SLC67A2: variants seen among roughly 807,000 people sequenced by gnomAD.
SLC67A2 encodes the protein solute carrier family 67 member A2.
chr2:102,718,062 A>G, the SLC67A2 span: 1 of 188,988 alleles, frequency 5.3e-6, no homozygotes, highest in African/African-American at 2.4e-5. Flanking sequence ...TCCTCCAGGT[A>G]TCATGTTCTC....
At chr2:102,732,133 C>T in the SLC67A2 span, 32 of 695,312 alleles carry the variant, frequency 4.6e-5, no homozygotes, top group South Asian at 1.2e-4. Flanking sequence ...TTTGAACATA[C>T]GTCGTCTAGA....
At chr2:102,721,657 CTGTGTGTG>C in the SLC67A2 span, among the ~76,000 whole-genome samples, 2 of 148,906 alleles carry the variant, frequency 1.3e-5, no homozygotes, top group African/African-American at 2.5e-5. Flanking sequence ...GCTCATAGTC[CTGTGTGTG>C]TGTGTGTGTG....
the SLC67A2 span, chr2:102,719,191 A>G: frequency 6.2e-7 from 1 of 1,612,998 alleles, no homozygotes; most frequent in Admixed American, 1.7e-5. Flanking sequence ...CCCTCCATGG[A>G]AAGAACCAAA....
the SLC67A2 span, among the ~76,000 whole-genome samples, chr2:102,720,438 C>T: frequency 1.3e-5 from 2 of 152,212 alleles, no homozygotes; most frequent in African/African-American, 2.4e-5. Context: ...CAACTAACTT[C>T]TGTTGAGTGC....
chr2:102,723,918 G>C, the SLC67A2 span: 7 of 1,610,058 alleles, frequency 4.3e-6, no homozygotes, highest in Non-Finnish European at 5.9e-6. Flanking sequence ...ACCTGCAAGG[G>C]GATGAGAAAC....
the SLC67A2 span, chr2:102,732,225 G>T: frequency 2.9e-6 from 3 of 1,045,384 alleles, no homozygotes; most frequent in Non-Finnish European, 4.5e-6. Flanking sequence ...ACTTACCTTT[G>T]GATAATATTT....
chr2:102,719,015 A>G, the SLC67A2 span: 7 of 1,614,224 alleles, frequency 4.3e-6, no homozygotes, highest in Admixed American at 1.0e-4. Flanking sequence ...CAGGTTCTTC[A>G]TGTTCCGCAA....
chr2:102,718,685 GAGA>G, the SLC67A2 span: 4 of 1,613,914 alleles, frequency 2.5e-6, no homozygotes, highest in East Asian at 4.5e-5. Flanking sequence ...AATGGCAGTG[GAGA>G]AGGACAGGAG....
the SLC67A2 span, chr2:102,726,966 C>T: frequency 1.7e-3 from 2,730 of 1,613,470 alleles, 4 homozygotes; most frequent in South Asian, 6.6e-3. Context: ...CTACATCGCT[C>T]CAGCAGCCCT....
At chr2:102,715,590 G>A in the SLC67A2 span, among the ~76,000 whole-genome samples, 1 of 152,036 alleles carries the variant, frequency 6.6e-6, no homozygotes, top group Admixed American at 6.5e-5. Flanking sequence ...TCTGCTCTAT[G>A]GAACCCAAAT....
At chr2:102,723,398 C>CG in the SLC67A2 span, among the ~76,000 whole-genome samples, 1 of 151,758 alleles carries the variant, frequency 6.6e-6, no homozygotes. Context: ...GAATCTGGGA[C>CG]GGGGAGGTTG....
At chr2:102,731,050 A>G in the SLC67A2 span, 1 of 1,613,944 alleles carries the variant, frequency 6.2e-7, no homozygotes, top group South Asian at 1.1e-5. Flanking sequence ...AAAGAGTTGC[A>G]AAATGCCATA....
the SLC67A2 span, chr2:102,726,838 C>G: frequency 7.1e-7 from 1 of 1,416,252 alleles, no homozygotes; most frequent in East Asian, 2.6e-5. Context: ...AAAAAAAAGT[C>G]ACTCACCTGC....
the SLC67A2 span, among the ~76,000 whole-genome samples, chr2:102,721,084 G>A: frequency 6.6e-6 from 1 of 152,168 alleles, no homozygotes; most frequent in Non-Finnish European, 1.5e-5. Context: ...TTGTAGTTGG[G>A]AACACTTGCA....
the SLC67A2 span, chr2:102,723,924 G>A: frequency 6.2e-7 from 1 of 1,604,976 alleles, no homozygotes; most frequent in Non-Finnish European, 8.5e-7. Context: ...AAGGGGATGA[G>A]AAACATGCTC....
chr2:102,715,846 T>C, the SLC67A2 span: 9 of 152,186 alleles, frequency 5.9e-5, no homozygotes, highest in South Asian at 2.1e-4. Context: ...CAAATGTCAA[T>C]TGAGCAGATT....
At chr2:102,733,737 A>G in the SLC67A2 span, among the ~76,000 whole-genome samples, 1 of 150,406 alleles carries the variant, frequency 6.6e-6, no homozygotes, top group Non-Finnish European at 1.5e-5. Context: ...TCAATTGTCC[A>G]ATAACCATTT....
the SLC67A2 span, among the ~76,000 whole-genome samples, chr2:102,715,177 G>A: frequency 0.015 from 2,297 of 152,236 alleles, 60 homozygotes; most frequent in African/African-American, 0.053. Context: ...AATCCTCCTT[G>A]CTGCGGCTAG....
At chr2:102,733,728 C>G in the SLC67A2 span, among the ~76,000 whole-genome samples, 1 of 150,758 alleles carries the variant, frequency 6.6e-6, no homozygotes. Context: ...AAAGGAAACT[C>G]AATTGTCCAA....
Sources: gnomAD v4.1 joint callset for allele counts (sites outside exome capture counted in the v4.1 genomes callset) on GRCh38, gnomAD v4.1.1 for gene constraint, MANE v1.5 for transcripts, NCBI Gene and HGNC (gene_info 2026-07-23, HGNC 2026-07-21) for gene names.